STAU1: variants seen among roughly 807,000 people sequenced by gnomAD.
The protein encoded by STAU1 is double-stranded RNA-binding protein Staufen homolog 1.
STAU1 carries 13 observed loss-of-function variants against 62.9 expected under a neutral mutation model. The ratio of observed to expected loss-of-function variants is 0.21; its 90% confidence interval spans 0.13 to 0.33. STAU1 has a LOEUF of 0.33. Among genes scored for constraint, STAU1 ranks in the 10% least tolerant of loss-of-function variants. The pLI, the probability that STAU1 is intolerant of heterozygous loss-of-function variation, is 1.00. For synonymous variants in STAU1, 269 were observed against 265.1 expected (o/e 1.01, Z -0.14); for missense variants, 571 against 712.1 (o/e 0.80, Z 2.25).
intron 6 of STAU1, chr20:49,134,449 A>AAAAAAAAAAAAAAAAAG: frequency 1.6e-6 from 1 of 609,624 alleles, no homozygotes; most frequent in Non-Finnish European, 2.9e-6. Context: ...AAAAAAAAAA[A>AAAAAAAAAAAAAAAAAG]GCTCTGGGTT....
chr20:49,190,684 A>C (rs2093830055), upstream of STAU1, among the ~76,000 whole-genome samples: 2 of 152,106 alleles, frequency 1.3e-5, no homozygotes, highest in Non-Finnish European at 2.9e-5. Flanking sequence ...GTTCTCTTCC[A>C]AGGTCCTGAA....
chr20:49,178,581 T>A (rs929070479), intron 1 of STAU1, among the ~76,000 whole-genome samples: 5 of 151,604 alleles, frequency 3.3e-5, no homozygotes, highest in African/African-American at 1.2e-4. Flanking sequence ...AAACACTGTC[T>A]CTACTAAAAA....
chr20:49,174,267 A>G lies in STAU1; in HGVS notation c.-157T>C, dbSNP rs1302428981. The stretch of plus-strand genomic sequence containing the variant: ...TTCTGAGAGGTTAAGTGGTTAATAA[A>G]CTCTGGAAAATAAAAAATAATAATA... On this transcript the variant is annotated splice_region_variant and 5_prime_UTR_variant, in exon 2 of 14. Coordinates refer to ENST00000371856, the MANE Select transcript of STAU1 (RefSeq NM_017453.4). 1 of 152,152 alleles carries G rather than the reference A, an allele frequency of 6.6e-6. No individual in the cohort carries two copies. The highest frequency in any genetic ancestry group is 1.5e-5 in the Non-Finnish European group (1 of 68,034). The allele number at this position is 152,152 out of a possible 1,614,324, so 9.4% of individuals were successfully genotyped here.
chr20:49,148,673 C>T (rs2093178001), intron 5 of STAU1, among the ~76,000 whole-genome samples: 1 of 152,232 alleles, frequency 6.6e-6, no homozygotes, highest in South Asian at 2.1e-4. Flanking sequence ...TTAAACACCA[C>T]TCCCAGCAAA....
At chr20:49,185,627 C>G (rs921295467) in intron 1 of STAU1, among the ~76,000 whole-genome samples, 1 of 152,090 alleles carries the variant, frequency 6.6e-6, no homozygotes, top group Non-Finnish European at 1.5e-5. Context: ...TCAAAATAAT[C>G]TAGTTTGTGT....
At position 49,151,548 on chromosome 20, in the gene STAU1, C is replaced by T. The variant is rs373753122; in HGVS notation, c.510+34G>A. ...TCTCCCCACTACCCTCCTACCCTGT[C>T]GAAGCGTCAGGGAGCCTGGGCTCAA... On this transcript the variant is annotated intron_variant, in intron 5 of 13. Transcript: ENST00000371856. The T allele has an allele frequency of 1.6e-5, 25 of 1,549,544 alleles. No individual in the cohort carries two copies. In the African/African-American group the frequency reaches 1.8e-4, roughly 11 times the overall value.
chr20:49,172,995 C>CA (rs928586259), intron 2 of STAU1, among the ~76,000 whole-genome samples: 9 of 151,396 alleles, frequency 5.9e-5, no homozygotes, highest in Non-Finnish European at 1.3e-4. Flanking sequence ...CTCCCGCCCC[C>CA]CAACACCTGG....
intron 5 of STAU1, among the ~76,000 whole-genome samples, chr20:49,137,832 A>ATTT (rs34370524): frequency 0.31 from 40,360 of 128,136 alleles, 7,369 homozygotes; most frequent in Middle Eastern, 0.44. Context: ...CACCCGGCTA[A>ATTT]TTTTTTTTTT....
chr20:49,203,944 A>G, the STAU1 span, among the ~76,000 whole-genome samples: 1 of 152,188 alleles, frequency 6.6e-6, no homozygotes, highest in Non-Finnish European at 1.5e-5. Flanking sequence ...TTGGCCTCCC[A>G]AGTGCTGGGA....
At chr20:49,157,867 C>A (rs1359092123) in intron 3 of STAU1, among the ~76,000 whole-genome samples, 6 of 152,188 alleles carry the variant, frequency 3.9e-5, no homozygotes, top group Admixed American at 1.3e-4. Context: ...CAGTGATCCT[C>A]TCGCCTCAGC....
intron 3 of STAU1, among the ~76,000 whole-genome samples, chr20:49,158,134 T>C (rs563815209): frequency 6.6e-6 from 1 of 151,752 alleles, no homozygotes; most frequent in South Asian, 2.1e-4. Context: ...ATACAAAAAT[T>C]AGCCACGTGT....
At chr20:49,184,437 G>C (rs902265957) in intron 1 of STAU1, among the ~76,000 whole-genome samples, 3 of 152,122 alleles carry the variant, frequency 2.0e-5, no homozygotes, top group Non-Finnish European at 4.4e-5. Context: ...CCACACACCA[G>C]TGAACCTCAC....
chr20:49,120,270 G>T, intron 8 of STAU1, 142 bp from the exon 9 acceptor site: 1 of 889,266 alleles, frequency 1.1e-6, no homozygotes. Flanking sequence ...CCTTGTCTCT[G>T]AGAGCTAATT....
the STAU1 span, among the ~76,000 whole-genome samples, chr20:49,205,268 T>G: frequency 3.9e-5 from 6 of 152,122 alleles, no homozygotes; most frequent in Non-Finnish European, 8.8e-5. Context: ...TAGCTTTTGG[T>G]GGCCTTGTGC....
At chr20:49,140,794 A>G (rs2092989756) in intron 5 of STAU1, among the ~76,000 whole-genome samples, 2 of 152,192 alleles carry the variant, frequency 1.3e-5, no homozygotes, top group Admixed American at 6.6e-5. Context: ...TTTTAGATGT[A>G]TATTTTGCCT....
the STAU1 span, among the ~76,000 whole-genome samples, chr20:49,204,633 TATATATATATATA>T: frequency 3.5e-4 from 22 of 62,730 alleles, no homozygotes; most frequent in Non-Finnish European, 4.7e-4. Context: ...TGTGTATATA[TATATATATATATA>T]TTTTTTTTTT....
At chr20:49,194,916 G>C in the STAU1 span, among the ~76,000 whole-genome samples, 1 of 151,652 alleles carries the variant, frequency 6.6e-6, no homozygotes, top group African/African-American at 2.4e-5. Context: ...CTCCAGCCTG[G>C]GCAACAGTGA....
the STAU1 span, among the ~76,000 whole-genome samples, chr20:49,198,556 A>G: frequency 6.6e-6 from 1 of 152,100 alleles, no homozygotes; most frequent in South Asian, 2.1e-4. Flanking sequence ...TGGGATGGGC[A>G]TGGTGGCTTA....
chr20:49,168,610 A>T (rs1022752890), intron 2 of STAU1, among the ~76,000 whole-genome samples: 1 of 152,224 alleles, frequency 6.6e-6, no homozygotes, highest in Non-Finnish European at 1.5e-5. Context: ...AAAATGCAAC[A>T]AACAATACTC....
Sources: gnomAD v4.1 joint callset for allele counts (sites outside exome capture counted in the v4.1 genomes callset) on GRCh38, gnomAD v4.1.1 for gene constraint, MANE v1.5 for transcripts, NCBI Gene and HGNC (gene_info 2026-07-23, HGNC 2026-07-21) for gene names.